FGD5: variants seen among roughly 807,000 people sequenced by gnomAD.
FGD5 encodes the protein FYVE, RhoGEF and PH domain containing 5, also known as FYVE, RhoGEF and PH domain-containing protein 5.
In FGD5, 28 loss-of-function variants were observed where a neutral mutation model predicts 133.4. That is an observed-to-expected ratio of 0.21 (90% confidence interval 0.16 to 0.29). FGD5 has a LOEUF of 0.29. Ranked by LOEUF, FGD5 falls within the 10% of genes least tolerant of loss-of-function variation. The pLI is 1.00. For missense variants in FGD5, 1,858 were observed against 1,895.2 expected (o/e 0.98, Z 0.36); for synonymous variants, 810 against 776.5 (o/e 1.04, Z -0.72).
At chr3:14,836,117 C>T (rs1377579782) in intron 1 of FGD5, among the ~76,000 whole-genome samples, 1 of 152,204 alleles carries the variant, frequency 6.6e-6, no homozygotes, top group African/African-American at 2.4e-5. Flanking sequence ...ACATGTTGCA[C>T]AAGGAGCCGT....
At chr3:14,931,202 A>G (rs2038893875) in intron 18 of FGD5, 2 of 152,162 alleles carry the variant, frequency 1.3e-5, no homozygotes, top group African/African-American at 4.8e-5. Context: ...TTGTTAGTTA[A>G]TGAAGTTTCC....
Position 14,901,013 on chromosome 3 carries a change from C to A in FGD5, c.3216C>A (p.Ser1072Arg). The A allele has an allele frequency of 6.2e-7, 1 of 1,614,016 alleles. No homozygotes were observed. The highest frequency in any genetic ancestry group is 8.5e-7 in the Non-Finnish European group (1 of 1,179,878). ...TGTGTCCCTCCCCAGGTGCACTGAG[C>A]CTCATCTCCAAAGTCACAGACCGTG... ...AEYDNTQGAL[S>R]LISKVTDRAN... The change falls in exon 9 of 20, where the codon AGC becomes AGA. Residue 1072 changes from serine (S) to arginine (R), a missense_variant. Ser to Arg is a moderately radical substitution (Grantham distance 110, BLOSUM62 -1). Coordinates refer to ENST00000285046, the MANE Select transcript of FGD5 (RefSeq NM_152536.4).
Position 14,820,325 on chromosome 3 carries a change from G to A in FGD5, c.1254G>A (p.Glu418=), listed in dbSNP as rs2036464307. 3 of 1,610,316 alleles carry A rather than the reference G, an allele frequency of 1.9e-6. No individual in the cohort carries two copies. The highest frequency in any genetic ancestry group is 2.5e-6 in the Non-Finnish European group (3 of 1,177,780). ...CCCCTGATGTGGTGGTCGTGCTGGA[G>A]GAGGAGGCCTTGGATGATGCACTGG... ...PAAPDVVVVL[E]EEALDDALAN... Residue 418 remains glutamate, a synonymous_variant, in exon 1 of 20, where the codon GAG becomes GAA. Coordinates refer to ENST00000285046, the MANE Select transcript of FGD5 (RefSeq NM_152536.4).
intron 10 of FGD5, 26 bp from the exon 11 acceptor site, chr3:14,910,835 G>T: frequency 6.2e-7 from 1 of 1,608,260 alleles, no homozygotes; most frequent in Non-Finnish European, 8.5e-7. Context: ...CAGCCTGACC[G>T]CCAAGTTCTG....
intron 1 of FGD5, among the ~76,000 whole-genome samples, chr3:14,840,187 G>C (rs2036894436): frequency 6.6e-6 from 1 of 151,236 alleles, no homozygotes; most frequent in African/African-American, 2.4e-5. Context: ...CTGTTGCCCA[G>C]GATACAGTGT....
chr3:14,828,878 A>G (rs576974909), intron 1 of FGD5, among the ~76,000 whole-genome samples: 6 of 148,506 alleles, frequency 4.0e-5, no homozygotes, highest in Non-Finnish European at 7.4e-5. Context: ...CTGGAGTGCA[A>G]TGGCATGATC....
At chr3:14,923,976 C>T in intron 16 of FGD5, 32 bp from the exon 17 acceptor site, 1 of 1,613,478 alleles carries the variant, frequency 6.2e-7, no homozygotes, top group Non-Finnish European at 8.5e-7. Flanking sequence ...ACGCCTCTCA[C>T]CTCCCTTCCA....
In FGD5 at chr3:14,860,118, C is replaced by T. The variant is rs370483011; in HGVS notation, c.2526-4010C>T. 1.1e-4 allele frequency among the ~76,000 whole-genome samples: 17 copies of T among 152,196 alleles called. No homozygotes were observed. The South Asian group carries it at 1.7e-3, about 15-fold the overall frequency. Reference sequence around the variant, plus strand: ...TCTGGGAGCAGGGAATGGGAAGAAACGCCCAATGACAGGAGTGGGACTGGC... The same window carrying T: ...TCTGGGAGCAGGGAATGGGAAGAAATGCCCAATGACAGGAGTGGGACTGGC... On this transcript the variant is annotated intron_variant, in intron 1 of 19. Coordinates refer to ENST00000285046, the MANE Select transcript of FGD5 (RefSeq NM_152536.4).
At chr3:14,838,053 C>T (rs1341499301) in intron 1 of FGD5, among the ~76,000 whole-genome samples, 1 of 152,170 alleles carries the variant, frequency 6.6e-6, no homozygotes, top group African/African-American at 2.4e-5. Flanking sequence ...TGTGGGCTGG[C>T]CTGGGCCCTC....
chr3:14,836,997 AAGGGACCT>A (rs2036828520), intron 1 of FGD5, among the ~76,000 whole-genome samples: 1 of 152,182 alleles, frequency 6.6e-6, no homozygotes, highest in African/African-American at 2.4e-5. Flanking sequence ...ACCCGGGTAT[AAGGGACCT>A]AGGGTGCACC....
chr3:14,907,698 T>G lies in FGD5; in HGVS notation c.3323T>G (p.Leu1108Arg), dbSNP rs1007759710. Reference sequence around the variant, plus strand: ...AGCGTCCGGGGCCAAGGGGATCTCCTCCAGCCAGGAAGGGTGAGTGCCGCC... The same window carrying G: ...AGCGTCCGGGGCCAAGGGGATCTCCGCCAGCCAGGAAGGGTGAGTGCCGCC... ...EHSVRGQGDL[L>R]QPGREFLKEG... The change falls in exon 10 of 20, where the codon CTC (leucine) becomes CGC (arginine). Residue 1108 changes from leucine to arginine, a missense_variant. Leu to Arg is a moderately radical substitution (Grantham distance 102, BLOSUM62 -2). This residue lies in a region of FGD5 where 1,824 missense variants were observed against 1,848.9 expected (regional missense o/e 0.99). Transcript: ENST00000285046. 1.2e-6 allele frequency: 2 copies of G among 1,613,596 alleles called. No individual in the cohort carries two copies. The highest frequency in any genetic ancestry group is 3.3e-4 in the Middle Eastern group (2 of 6,060).
Position 14,820,750 on chromosome 3 carries a change from T to C in FGD5, c.1679T>C (p.Val560Ala), listed in dbSNP as rs758716096. The C allele has an allele frequency of 2.0e-5, 32 of 1,610,196 alleles. No homozygotes were observed. The highest frequency in any genetic ancestry group is 2.7e-5 in the Non-Finnish European group (32 of 1,178,680). Residue 560 changes from valine (V) to alanine (A), a missense_variant, in exon 1 of 20, where the codon GTG (valine) becomes GCG (alanine). Around this residue, in one of 3 missense-constraint regions of FGD5, gnomAD observed 1,824 missense variants for 1,848.9 expected, o/e 0.99. Coordinates refer to ENST00000285046, the MANE Select transcript of FGD5 (RefSeq NM_152536.4). ...SFSVEGREIP[V>A]SVYQEPEGSG... The stretch of plus-strand genomic sequence containing the variant: ...TCCGTGGAAGGCCGAGAGATTCCAG[T>C]GTCCGTGTACCAGGAGCCTGAGGGG...
chr3:14,916,089 T>C (rs1398656609), intron 11 of FGD5, among the ~76,000 whole-genome samples: 4 of 152,202 alleles, frequency 2.6e-5, no homozygotes, highest in Non-Finnish European at 5.9e-5. Flanking sequence ...GGCTCCATGT[T>C]TAGTGGGCTT....
chr3:14,833,827 T>A (rs1261684151), intron 1 of FGD5, among the ~76,000 whole-genome samples: 1 of 151,870 alleles, frequency 6.6e-6, no homozygotes, highest in Admixed American at 6.6e-5. Flanking sequence ...AAGACACACC[T>A]GCCGACAAGC....
chr3:14,844,217 A>AAAAATAT (rs1559477363), intron 1 of FGD5, among the ~76,000 whole-genome samples: 3 of 20,374 alleles, frequency 1.5e-4, no homozygotes, highest in African/African-American at 6.2e-4. Flanking sequence ...AAAAAAAAAA[A>AAAAATAT]ATATATATAT....
intron 1 of FGD5, among the ~76,000 whole-genome samples, chr3:14,846,745 C>A (rs907192348): frequency 7.2e-5 from 11 of 152,206 alleles, no homozygotes; most frequent in African/African-American, 2.4e-4. Flanking sequence ...AACTGTGGGA[C>A]GCAGGCAGTC....
intron 1 of FGD5, among the ~76,000 whole-genome samples, chr3:14,846,841 A>G (rs1338783248): frequency 6.6e-6 from 1 of 152,238 alleles, no homozygotes; most frequent in Non-Finnish European, 1.5e-5. Context: ...ATGAACCATG[A>G]TGAAATATGT....
chr3:14,864,972 C>T (rs918692752), intron 2 of FGD5, among the ~76,000 whole-genome samples: 1 of 152,148 alleles, frequency 6.6e-6, no homozygotes, highest in African/African-American at 2.4e-5. Context: ...CAGAAATGGG[C>T]AGAGGTGAAG....
At chr3:14,871,301 TA>T (rs1425907321) in intron 2 of FGD5, among the ~76,000 whole-genome samples, 1 of 152,250 alleles carries the variant, frequency 6.6e-6, no homozygotes, top group African/African-American at 2.4e-5. Context: ...TACATTAAGA[TA>T]TAGTCAATGA....
Sources: gnomAD v4.1 joint callset for allele counts (sites outside exome capture counted in the v4.1 genomes callset) on GRCh38, gnomAD v4.1.1 for gene constraint, gnomAD v4.1.1 regional missense constraint, MANE v1.5 for transcripts, NCBI Gene and HGNC (gene_info 2026-07-23, HGNC 2026-07-21) for gene names.